AOPEP: variants seen among roughly 807,000 people sequenced by gnomAD.
The protein encoded by AOPEP is aminopeptidase O (putative).
A neutral mutation model predicts 98.1 loss-of-function variants in AOPEP; 77 were observed. That is an observed-to-expected ratio of 0.78 (90% CI 0.65 to 0.95). The LOEUF (loss-of-function observed/expected upper bound fraction) is 0.95, where lower values mean the gene tolerates loss of function less well. Among genes scored for constraint, AOPEP ranks in the 40% least tolerant of loss-of-function variants. The pLI is 0.00. For missense variants in AOPEP, 1,024 were observed against 1,024.7 expected (o/e 1.00, Z 0.01); for synonymous variants, 346 against 365.3 (o/e 0.95, Z 0.60).
At chr9:94,965,325 C>G (rs2059122773) in intron 9 of AOPEP, among the ~76,000 whole-genome samples, 1 of 152,178 alleles carries the variant, frequency 6.6e-6, no homozygotes, top group Non-Finnish European at 1.5e-5. Flanking sequence ...TCACGTCAAA[C>G]AGCAATAAAC....
chr9:95,117,723 AT>A, the AOPEP span, among the ~76,000 whole-genome samples: 1,683 of 136,754 alleles, frequency 0.012, 19 homozygotes, highest in African/African-American at 0.038. Flanking sequence ...GTATTTCAGC[AT>A]TTTTTTTTTT....
chr9:94,970,951 T>C (rs1356022606), intron 10 of AOPEP, among the ~76,000 whole-genome samples: 1 of 152,006 alleles, frequency 6.6e-6, no homozygotes. Context: ...TGTTTCTGAG[T>C]GGTGACTATG....
the AOPEP span, among the ~76,000 whole-genome samples, chr9:95,119,331 G>C: frequency 4.0e-5 from 6 of 149,528 alleles, no homozygotes; most frequent in African/African-American, 1.5e-4. Flanking sequence ...CCTAGCTAAC[G>C]GCTTGCTTTT....
intron 5 of AOPEP, among the ~76,000 whole-genome samples, chr9:94,909,990 A>G (rs894497368): frequency 1.3e-5 from 2 of 152,074 alleles, no homozygotes; most frequent in Admixed American, 1.3e-4. Context: ...ACTCCTTCCC[A>G]AGGTTCAGCG....
chr9:94,883,932 T>A (rs1306142038), intron 5 of AOPEP, among the ~76,000 whole-genome samples: 1 of 152,164 alleles, frequency 6.6e-6, no homozygotes, highest in African/African-American at 2.4e-5. Flanking sequence ...CCGTCAATAT[T>A]CTGAAAACTG....
chr9:94,779,058 T>C (rs1335587665), intron 3 of AOPEP, among the ~76,000 whole-genome samples: 2 of 151,932 alleles, frequency 1.3e-5, no homozygotes, highest in East Asian at 1.9e-4. Context: ...TTATTGTATA[T>C]GTGCGGTGGT....
intron 5 of AOPEP, among the ~76,000 whole-genome samples, chr9:94,821,893 T>A (rs1588395986): frequency 6.6e-6 from 1 of 152,144 alleles, no homozygotes; most frequent in South Asian, 2.1e-4. Context: ...AAGTTTTTTT[T>A]TGTATTTCTA....
At chr9:95,044,150 G>A (rs538388042) in intron 13 of AOPEP, among the ~76,000 whole-genome samples, 1 of 152,334 alleles carries the variant, frequency 6.6e-6, no homozygotes, top group South Asian at 2.1e-4. Context: ...TAGGGAAAAT[G>A]TCCCTGAAAC....
intron 10 of AOPEP, among the ~76,000 whole-genome samples, chr9:94,977,694 A>G (rs928858782): frequency 2.0e-5 from 3 of 152,064 alleles, no homozygotes; most frequent in Admixed American, 6.5e-5. Context: ...GCTGAAGCTG[A>G]TGCTATGAAA....
intron 13 of AOPEP, among the ~76,000 whole-genome samples, chr9:95,040,542 C>T (rs2133557869): frequency 6.6e-6 from 1 of 152,330 alleles, no homozygotes; most frequent in South Asian, 2.1e-4. Context: ...TCCTCTGACC[C>T]CAGGATTCCA....
rs760086258 is a variant in AOPEP at position 94,956,000 on chromosome 9, G to A, written c.1857G>A (p.Gln619=). The change falls in exon 9 of 17, where the codon CAG becomes CAA. Residue 619 remains glutamine (Q), a synonymous_variant. Coordinates refer to ENST00000375315, the MANE Select transcript of AOPEP (RefSeq NM_001193329.3). Reference sequence around the variant, plus strand: ...AATTTGTGCACACATTTCATGGACAGCTGATTCTTTCCCAGGTAACTTATG... The same window carrying A: ...AATTTGTGCACACATTTCATGGACAACTGATTCTTTCCCAGGTAACTTATG... ...LRKFVHTFHG[Q]LILSQDFLQM... 2 of 1,610,456 alleles carry A rather than the reference G, an allele frequency of 1.2e-6. No homozygotes were observed. Among genetic ancestry groups the A allele is most frequent in the African/African-American group, 2.7e-5 (2 of 74,938 alleles).
chr9:94,984,900 G>A (rs1285087517), intron 11 of AOPEP, among the ~76,000 whole-genome samples: 1 of 152,214 alleles, frequency 6.6e-6, no homozygotes, highest in Non-Finnish European at 1.5e-5. Context: ...TGCTGTGACA[G>A]CATGGATGAT....
chr9:94,832,637 A>G (rs1313580988), intron 5 of AOPEP, among the ~76,000 whole-genome samples: 1 of 152,234 alleles, frequency 6.6e-6, no homozygotes, highest in African/African-American at 2.4e-5. Context: ...AGTTTGTGCC[A>G]GTTTAAAGAA....
At chr9:94,943,117 A>G (rs2057201911) in intron 7 of AOPEP, among the ~76,000 whole-genome samples, 1 of 152,188 alleles carries the variant, frequency 6.6e-6, no homozygotes, top group South Asian at 2.1e-4. Context: ...AAGAATCAGT[A>G]AATTGGACTG....
At position 94,895,297 on chromosome 9, in the gene AOPEP, A is replaced by G. The variant is rs868514427; in HGVS notation, c.1365-28689A>G. Among the ~76,000 whole-genome samples, 3 of 151,512 alleles carry G rather than the reference A, an allele frequency of 2.0e-5. No homozygotes were observed. The South Asian group carries it at 6.3e-4, about 32-fold the overall frequency. On this transcript the variant is annotated intron_variant, in intron 5 of 16. Transcript: ENST00000375315. ...CACCTGTAGTCCCAGCTGCTCAGGA[A>G]GCTGAGGTAGAAGGATTGCTTGAAC...
intron 6 of AOPEP, among the ~76,000 whole-genome samples, chr9:94,925,323 C>T (rs2054159757): frequency 6.6e-6 from 1 of 152,226 alleles, no homozygotes; most frequent in Non-Finnish European, 1.5e-5. Context: ...TTTTTTCCCC[C>T]TGTCATCTCT....
downstream of AOPEP, among the ~76,000 whole-genome samples, chr9:95,089,480 T>A (rs1484216626): frequency 6.6e-6 from 1 of 152,200 alleles, no homozygotes; most frequent in African/African-American, 2.4e-5. Flanking sequence ...ATCTGCCAAG[T>A]GGCAGGGTTT....
the AOPEP span, chr9:95,125,070 A>G: frequency 6.2e-7 from 1 of 1,601,568 alleles, no homozygotes; most frequent in African/African-American, 1.3e-5. Flanking sequence ...TGAGTAATAT[A>G]TGTGATATAA....
At chr9:95,041,507 C>T (rs942236706) in intron 13 of AOPEP, among the ~76,000 whole-genome samples, 1 of 144,536 alleles carries the variant, frequency 6.9e-6, no homozygotes, top group South Asian at 2.3e-4. Context: ...TAAAAAAGTA[C>T]AATAAGCCAG....
Sources: gnomAD v4.1 joint callset for allele counts (sites outside exome capture counted in the v4.1 genomes callset) on GRCh38, gnomAD v4.1.1 for gene constraint, MANE v1.5 for transcripts, NCBI Gene and HGNC (gene_info 2026-07-23, HGNC 2026-07-21) for gene names.